Variants in UTP4 observed in about 807,000 individuals in gnomAD.
The protein encoded by UTP4 is U3 small nucleolar RNA-associated protein 4 homolog.
In UTP4, 45 loss-of-function variants were observed where a neutral mutation model predicts 82.4. The observed-to-expected ratio is 0.55, with a 90% confidence interval of 0.43 to 0.70. The LOEUF (loss-of-function observed/expected upper bound fraction) is 0.70. UTP4 is among the 30% of genes least tolerant of loss of function. The pLI is 0.00. For synonymous variants in UTP4, 348 were observed against 300.3 expected, an observed-to-expected ratio of 1.16 and a Z score of -1.64; for missense variants, 819 against 858.3, an observed-to-expected ratio of 0.95 and a Z score of 0.57.
At chr16:69,151,052 G>T (rs1963249884) in intron 8 of UTP4, 148 bp downstream of exon 8, 3 of 695,468 alleles carry the variant, frequency 4.3e-6, no homozygotes, top group Non-Finnish European at 5.1e-6. Flanking sequence ...TGTTGCCCAG[G>T]CTGGAGTGCA....
Position 69,155,874 on chromosome 16 carries a change from C to T in UTP4, c.1168C>T (p.Pro390Ser). ...TCTTGATTCCTGATATTGCCAGGGT[C>T]CTGAGAACATTATCTGTAGCTGTAT... ...DHLLHLKTKG[P>S]ENIICSCISP... The change falls in exon 11 of 17, where the codon CCT (proline) becomes TCT (serine). Residue 390 changes from proline (P) to serine (S), a missense_variant. Pro to Ser is a moderately conservative substitution (Grantham distance 74). Coordinates refer to ENST00000314423, the MANE Select transcript of UTP4 (RefSeq NM_032830.3). 6.2e-7 allele frequency: 1 copy of T among 1,614,054 alleles called. No individual in the cohort carries two copies. Among genetic ancestry groups the T allele is most frequent in the Non-Finnish European group, 8.5e-7 (1 of 1,179,992 alleles).
rs1455744187 is a variant in UTP4 at position 69,165,524 on chromosome 16, T to C, written c.1831T>C (p.Leu611=). 1 of 1,613,382 alleles carries C rather than the reference T, an allele frequency of 6.2e-7. No individual in the cohort carries two copies. The highest frequency in any genetic ancestry group is 1.1e-5 in the South Asian group (1 of 91,080). The change falls in exon 15 of 17, where the codon TTG becomes CTG. Residue 611 remains leucine, a splice_region_variant and synonymous_variant. Transcript: ENST00000314423. The stretch of plus-strand genomic sequence containing the variant: ...CATGTTCTGCATCATTGACAAGTCA[T>C]TGGTGAGTTCTTCACTGCTACCTCC... ...AYMFCIIDKS[L]PLPNDKTLLY...
chr16:69,164,164 T>G lies in UTP4; in HGVS notation c.1647+986T>G, dbSNP rs143906729. ...CTCCCAAAGTGCTGGGATTACAGGC[T>G]TGAGCCACCGCGCCCGGCTGATGGT... On this transcript the variant is annotated intron_variant, in intron 14 of 16. Coordinates refer to ENST00000314423, the MANE Select transcript of UTP4 (RefSeq NM_032830.3). Among the ~76,000 whole-genome samples the G allele has an allele frequency of 5.5e-3, 840 of 151,904 alleles. 3 individuals carry two copies. The highest frequency in any genetic ancestry group is 0.019 in the African/African-American group (784 of 41,422).
intron 2 of UTP4, among the ~76,000 whole-genome samples, chr16:69,136,253 G>T (rs1962811567): frequency 6.6e-6 from 1 of 152,162 alleles, no homozygotes; most frequent in African/African-American, 2.4e-5. Context: ...TTTGGGTTGG[G>T]TGCAGTGGCT....
intron 12 of UTP4, among the ~76,000 whole-genome samples, chr16:69,159,942 G>A (rs993008486): frequency 2.0e-5 from 3 of 146,540 alleles, no homozygotes; most frequent in African/African-American, 5.1e-5. Flanking sequence ...GAGCGGATCC[G>A]CCACTGCACT....
Position 69,150,672 on chromosome 16 carries a change from A to G in UTP4, c.874A>G (p.Thr292Ala). The G allele has an allele frequency of 1.2e-6, 2 of 1,614,206 alleles. No individual in the cohort carries two copies. The highest frequency in any genetic ancestry group is 1.7e-6 in the Non-Finnish European group (2 of 1,180,032). Reference sequence around the variant, plus strand: ...CCAGCATCACACTCATGACGTGCGCACTGTGGCCCACAGCCCAACAGCGCT... The same window carrying G: ...CCAGCATCACACTCATGACGTGCGCGCTGTGGCCCACAGCCCAACAGCGCT... ...PFQHHTHDVRTVAHSPTALIS... is the reference protein window; with the variant it reads ...PFQHHTHDVRAVAHSPTALIS... The change falls in exon 7 of 17, where the codon ACT (threonine) becomes GCT (alanine). Residue 292 changes from threonine to alanine, a missense_variant. Transcript: ENST00000314423.
chr16:69,165,889 T>C (rs1567383820), intron 15 of UTP4: 1 of 392,012 alleles, frequency 2.6e-6, no homozygotes, highest in East Asian at 6.1e-5. Context: ...TAACTTGCTT[T>C]CAACTTTGAA....
rs753481308 is a variant in UTP4, at chr16:69,163,121, T to G, written c.1590T>G (p.Thr530=). Residue 530 remains threonine, a synonymous_variant, in exon 14 of 17, where the codon ACT becomes ACG. Transcript: ENST00000314423. ...TGCCTGCTTACAATTTCCCAGTGAC[T>G]GCTATGGCTATTGCCCCCAATACCA... ...CTVPAYNFPV[T]AMAIAPNTNN... The G allele has an allele frequency of 1.2e-6, 2 of 1,614,188 alleles. No homozygotes were observed. Among genetic ancestry groups the G allele is most frequent in the Non-Finnish European group, 1.7e-6 (2 of 1,180,040 alleles).
chr16:69,165,895 T>G, intron 15 of UTP4: 1 of 384,516 alleles, frequency 2.6e-6, no homozygotes, highest in South Asian at 2.3e-5. Flanking sequence ...GCTTTCAACT[T>G]TGAACTCTGG....
Position 69,137,808 on chromosome 16 carries a change from G to A in UTP4, c.359G>A (p.Cys120Tyr). ...SPSGSQLLVG[C>Y]EDGSVKLFQI... ...TACCTCTTTCTCAAATAGGTTGGTT[G>A]TGAAGATGGATCTGTGAAACTATTT... is the stretch of plus-strand genomic sequence containing the variant. Residue 120 changes from cysteine to tyrosine, a missense_variant, in exon 4 of 17, where the codon TGT becomes TAT. Transcript: ENST00000314423. The A allele has an allele frequency of 1.2e-6, 2 of 1,606,584 alleles. No homozygotes were observed. The highest frequency in any genetic ancestry group is 2.2e-5 in the South Asian group (2 of 90,904).
At chr16:69,155,557 C>T (rs1239282654) in intron 10 of UTP4, among the ~76,000 whole-genome samples, 1 of 152,152 alleles carries the variant, frequency 6.6e-6, no homozygotes, top group Non-Finnish European at 1.5e-5. Flanking sequence ...CACCTATCCT[C>T]CAGAGCTTTC....
rs978512483 is a variant in UTP4 at position 69,165,331 on chromosome 16, C to G, written c.1648-10C>G. The G allele has an allele frequency of 2.5e-6, 4 of 1,613,578 alleles. No homozygotes were observed. In the African/African-American group the frequency reaches 5.3e-5, roughly 22 times the overall value. ...CAGCCTGCATTTCTCTATGTCATGT[C>G]CTCCCTCAGGTATTTGAGTACAGCA... On this transcript the variant is annotated splice_polypyrimidine_tract_variant and intron_variant, in intron 14 of 16. Transcript: ENST00000314423.
intron 6 of UTP4, among the ~76,000 whole-genome samples, chr16:69,148,861 A>T (rs1963188767): frequency 6.6e-6 from 1 of 151,996 alleles, no homozygotes. Flanking sequence ...CTGCCTTCCA[A>T]AGTGCGGGAT....
intron 11 of UTP4, 60 bp from the exon 12 acceptor site, chr16:69,157,024 T>A (rs1323785851): frequency 6.3e-7 from 1 of 1,578,686 alleles, no homozygotes; most frequent in African/African-American, 1.3e-5. Flanking sequence ...GCTGTGATTG[T>A]TTCTGATGGG....
At chr16:69,159,291 G>C (rs1963504324) in intron 12 of UTP4, among the ~76,000 whole-genome samples, 1 of 151,876 alleles carries the variant, frequency 6.6e-6, no homozygotes, top group Non-Finnish European at 1.5e-5. Flanking sequence ...ATCTTGGCCA[G>C]GCTGGTCTTG....
intron 12 of UTP4, among the ~76,000 whole-genome samples, 180 bp from the exon 13 acceptor site, chr16:69,160,176 T>C (rs1202287485): frequency 6.6e-6 from 1 of 152,134 alleles, no homozygotes; most frequent in African/African-American, 2.4e-5. Flanking sequence ...GATGGTTAAA[T>C]AAGTAGATGA....
chr16:69,152,464 C>CTTTT (rs58914042), intron 8 of UTP4, among the ~76,000 whole-genome samples: 5 of 107,144 alleles, frequency 4.7e-5, no homozygotes, highest in Non-Finnish European at 7.8e-5. Context: ...TTCTGTTTTT[C>CTTTT]TTTTTTTTTT....
chr16:69,150,604 C>T lies in UTP4; in HGVS notation c.806C>T (p.Thr269Ile), dbSNP rs1226006675. Residue 269 changes from threonine (T) to isoleucine (I), a missense_variant, in exon 7 of 17, where the codon ACA becomes ATA. Coordinates refer to ENST00000314423, the MANE Select transcript of UTP4 (RefSeq NM_032830.3). Reference protein sequence around the residue: ...TVFHFQLVPVTSNSSEKQWVR... With the variant: ...TVFHFQLVPVISNSSEKQWVR... ...TTCCATTTTCAGCTGGTCCCTGTGA[C>T]ATCTAACAGCAGTGAGAAGCAGTGG... 3 of 1,614,232 alleles carry T rather than the reference C, an allele frequency of 1.9e-6. No individual in the cohort carries two copies. Among genetic ancestry groups the T allele is most frequent in the Non-Finnish European group, 2.5e-6 (3 of 1,180,040 alleles).
At chr16:69,142,600 A>G (rs1482253954) in intron 5 of UTP4, among the ~76,000 whole-genome samples, 1 of 152,156 alleles carries the variant, frequency 6.6e-6, no homozygotes, top group Non-Finnish European at 1.5e-5. Flanking sequence ...ATTCCATAGT[A>G]TAAATCAGGT....
Sources: allele counts gnomAD v4.1 joint callset (sites outside exome capture counted in the v4.1 genomes callset), GRCh38; gene constraint gnomAD v4.1.1; transcripts MANE v1.5; gene names NCBI Gene and HGNC (gene_info 2026-07-23, HGNC 2026-07-21).